SETD1B: variants seen among roughly 807,000 people sequenced by gnomAD.
SETD1B encodes the protein histone-lysine N-methyltransferase SETD1B.
In SETD1B, 7 loss-of-function variants were observed where a neutral mutation model predicts 148.0. The ratio of observed to expected loss-of-function variants is 0.05; its 90% CI spans 0.03 to 0.09. The LOEUF is 0.09. Among genes scored for constraint, SETD1B ranks in the 10% least tolerant of loss-of-function variants. The pLI is 1.00. For synonymous variants in SETD1B, 1,361 were observed against 1,186.5 expected (o/e 1.15, Z -3.02); for missense variants, 2,155 against 2,729.9 (o/e 0.79, Z 4.69).
chr12:121,823,721 TAAC>T lies in SETD1B; in HGVS notation c.5143_5145del (p.Asn1715del). 2 of 1,551,158 alleles carry T rather than the reference TAAC, an allele frequency of 1.3e-6. No individual in the cohort carries two copies. The highest frequency in any genetic ancestry group is 8.7e-7 in the Non-Finnish European group (1 of 1,146,800). ...AGCAGGACAATGGCATGGACTGGCT[TAAC>T]GACACGCTCTGGGTCTACCATCCCT... On this transcript the variant is annotated inframe_deletion, in exon 12 of 17. Transcript: ENST00000604567.
chr12:121,822,354 G>A, intron 11 of SETD1B, 136 bp from the exon 12 acceptor site: 1 of 999,050 alleles, frequency 1.0e-6, no homozygotes, highest in Non-Finnish European at 1.4e-6. Context: ...AGTCCTTGAG[G>A]GGTTTAGCTG....
chr12:121,822,932 C>A lies in SETD1B; in HGVS notation c.4353C>A (p.Pro1451=). 6.5e-7 allele frequency: 1 copy of A among 1,532,332 alleles called. No homozygotes were observed. Among genetic ancestry groups the A allele is most frequent in the East Asian group, 2.5e-5 (1 of 40,762 alleles). 94.9% of individuals were successfully genotyped at this position (1,532,332 alleles called of 1,614,324 possible). ...GPLLLPVCPL[P]TGRRDERSGP... is the part of the protein sequence containing the mutation. ...TGCTCCTGCCCGTCTGCCCACTCCC[C>A]ACTGGCCGACGCGATGAACGCTCCG... is the stretch of plus-strand genomic sequence containing the variant. Residue 1451 remains proline, a synonymous_variant, in exon 12 of 17, where the codon CCC becomes CCA. Coordinates refer to ENST00000604567, the MANE Select transcript of SETD1B (RefSeq NM_001353345.2).
chr12:121,805,703 T>C lies in SETD1B; in HGVS notation c.274-132T>C. ...TTCCAAAAAAAATTTTTTTTTTTTT[T>C]TTAATTTTTAGTTTTTTTACCCTTT... is the stretch of plus-strand genomic sequence containing the variant. On this transcript the variant is annotated intron_variant, in intron 3 of 16. Coordinates refer to ENST00000604567, the MANE Select transcript of SETD1B (RefSeq NM_001353345.2). This position sits in a 1 kb window ranked among gnomAD's most constrained non-coding sequence, Gnocchi z 4.2. The C allele has an allele frequency of 1.2e-6, 1 of 859,466 alleles. No individual in the cohort carries two copies. The highest frequency in any genetic ancestry group is 3.4e-5 in the South Asian group (1 of 29,496). The allele number at this position is 859,466 out of a possible 1,614,324, so 53.2% of individuals were successfully genotyped here.
intron 6 of SETD1B, among the ~76,000 whole-genome samples, chr12:121,812,610 G>A (rs2137557148): frequency 6.6e-6 from 1 of 152,260 alleles, no homozygotes; most frequent in South Asian, 2.1e-4. Flanking sequence ...ATTGGCTGGC[G>A]GCGGCGGCCC....
Position 121,817,233 on chromosome 12 carries a change from C to T in SETD1B, c.2916C>T (p.Thr972=), listed in dbSNP as rs1251216168. The change falls in exon 8 of 17, where the codon ACC becomes ACT. Residue 972 remains threonine (T), a synonymous_variant. Transcript: ENST00000604567. This position sits in a 1 kb window ranked among gnomAD's most constrained non-coding sequence, Gnocchi z 8.1. ...TCAAGAGGAAGGAGCCACCAGACAC[C>T]ACCTCATCTGGCGACCAGAAGCGGC... ...FKVKRKEPPD[T]TSSGDQKRLR... 1.1e-5 allele frequency: 17 copies of T among 1,550,908 alleles called. No homozygotes were observed. The Admixed American group carries it at 3.1e-4, about 29-fold the overall frequency.
rs200840157 is a variant in SETD1B, at chr12:121,830,532, C to T, written c.*293C>T. ...CAGCTTCTCTCTCTCCGTCTCTCCT[C>T]CCCTCTCTCTCTTCTCTGTCTCTTC... On this transcript the variant is annotated 3_prime_UTR_variant, in exon 17 of 17. Coordinates refer to ENST00000604567, the MANE Select transcript of SETD1B (RefSeq NM_001353345.2). The surrounding 1 kb of genome is among the most constrained non-coding windows in gnomAD (Gnocchi z 5.7). 3.3e-6 allele frequency: 1 copy of T among 301,020 alleles called. No homozygotes were observed. Among genetic ancestry groups the T allele is most frequent in the South Asian group, 7.0e-5 (1 of 14,380 alleles). The allele number at this position is 301,020 out of a possible 1,614,324, so 18.6% of individuals were successfully genotyped here.
chr12:121,810,310 G>C lies in SETD1B; in HGVS notation c.1365G>C (p.Pro455=). 1 of 1,543,124 alleles carries C rather than the reference G, an allele frequency of 6.5e-7. No homozygotes were observed. Among genetic ancestry groups the C allele is most frequent in the Non-Finnish European group, 8.7e-7 (1 of 1,146,440 alleles). ...AGCCAGGCACGCCACCCGGCCCGCC[G>C]CCCCCCGACACCAACAGCATGGAGC... ...KEKPGTPPGP[P]PPDTNSMELG... The change falls in exon 6 of 17, where the codon CCG becomes CCC. Residue 455 remains proline (P), a synonymous_variant. Coordinates refer to ENST00000604567, the MANE Select transcript of SETD1B (RefSeq NM_001353345.2). The surrounding 1 kb of genome is among the most constrained non-coding windows in gnomAD (Gnocchi z 7.6).
At position 121,817,846 on chromosome 12, in the gene SETD1B, T is replaced by C. The variant is rs1004611107; in HGVS notation, c.3360T>C (p.Asp1120=). 25 of 1,551,066 alleles carry C rather than the reference T, an allele frequency of 1.6e-5. No homozygotes were observed. In the Admixed American group the frequency reaches 3.5e-4, roughly 22 times the overall value. ...ATGACCGGGACGAGTCTGAGAACGA[T>C]GACGAGGACACAGCCCTGTCAGAGG... is the stretch of plus-strand genomic sequence containing the variant. ...DSDDRDESEN[D]DEDTALSEAS... The change falls in exon 10 of 17, where the codon GAT becomes GAC. Residue 1120 remains aspartate, a synonymous_variant. Coordinates refer to ENST00000604567, the MANE Select transcript of SETD1B (RefSeq NM_001353345.2). The surrounding 1 kb of genome is among the most constrained non-coding windows in gnomAD (Gnocchi z 8.1).
At chr12:121,793,325 C>A in the SETD1B span, 3 of 1,450,168 alleles carry the variant, frequency 2.1e-6, no homozygotes, top group South Asian at 1.2e-5. Flanking sequence ...CCCCCTCACT[C>A]GTCCCGGATC....
intron 16 of SETD1B, 141 bp downstream of exon 16, chr12:121,828,211 A>C (rs1876934641): frequency 1.8e-6 from 2 of 1,114,444 alleles, no homozygotes; most frequent in Admixed American, 2.5e-5. Context: ...TTATAGGGAG[A>C]GGAGGACATG....
rs1261001493 is a variant in SETD1B at position 121,810,553 on chromosome 12, C to T, written c.1608C>T (p.Ser536=). The change falls in exon 6 of 17, where the codon TCC becomes TCT. Residue 536 remains serine (S), a synonymous_variant. Transcript: ENST00000604567. This position sits in a 1 kb window ranked among gnomAD's most constrained non-coding sequence, Gnocchi z 7.6. ...LQMEGSPISS[S]SSQLSPLAPF... is the part of the protein sequence containing the mutation. ...TGGAGGGCAGCCCCATCTCCTCCTC[C>T]TCCTCCCAGCTCTCCCCACTGGCCC... 13 of 1,547,114 alleles carry T rather than the reference C, an allele frequency of 8.4e-6. No homozygotes were observed. Among genetic ancestry groups the T allele is most frequent in the African/African-American group, 2.7e-5 (2 of 73,068 alleles).
At chr12:121,790,610 T>G in the SETD1B span, among the ~76,000 whole-genome samples, 2 of 152,206 alleles carry the variant, frequency 1.3e-5, no homozygotes, top group Non-Finnish European at 2.9e-5. Context: ...TGAGCAAGCC[T>G]TCCCTGGTCA....
intron 6 of SETD1B, among the ~76,000 whole-genome samples, chr12:121,811,464 G>A (rs980850880): frequency 2.6e-5 from 4 of 152,108 alleles, no homozygotes; most frequent in African/African-American, 7.2e-5. Context: ...CATGTAGCCA[G>A]AAAAAGGCAA....
the SETD1B span, chr12:121,797,719 A>G: frequency 2.4e-6 from 1 of 413,900 alleles, no homozygotes; most frequent in Non-Finnish European, 4.9e-6. Flanking sequence ...AGAGCAACGA[A>G]GACTCTAAAG....
chr12:121,809,730 G>T lies in SETD1B; in HGVS notation c.785G>T (p.Arg262Leu). Residue 262 changes from arginine (R) to leucine (L), a missense_variant, in exon 6 of 17, where the codon CGC (arginine) becomes CTC (leucine). By Grantham distance (102) the Arg-to-Leu change is moderately radical. This residue lies in a region of SETD1B where 376 missense variants were observed against 385.0 expected (regional missense o/e 0.98). Transcript: ENST00000604567. ...FSQDTAYSSC[R>L]LDTPNSYGQG... is the part of the protein sequence containing the mutation. ...CAGGACACAGCTTATTCCAGCTGCC[G>T]CCTGGACACACCCAACTCCTATGGA... is the stretch of plus-strand genomic sequence containing the variant. 1 of 1,551,432 alleles carries T rather than the reference G, an allele frequency of 6.4e-7. No homozygotes were observed. Among genetic ancestry groups the T allele is most frequent in the Non-Finnish European group, 8.7e-7 (1 of 1,146,966 alleles).
chr12:121,805,352 A>G lies in SETD1B; in HGVS notation c.273+136A>G. On this transcript the variant is annotated intron_variant, in intron 3 of 16. Transcript: ENST00000604567. The surrounding 1 kb of genome is among the most constrained non-coding windows in gnomAD (Gnocchi z 4.2). Reference sequence around the variant, plus strand: ...CAGGGAAGTTTTGGCGGGGAGGGGTAGAGCGCTGGCGAGAGGGTGTCCCCT... The same window carrying G: ...CAGGGAAGTTTTGGCGGGGAGGGGTGGAGCGCTGGCGAGAGGGTGTCCCCT... 1.4e-6 allele frequency: 1 copy of G among 713,008 alleles called. No homozygotes were observed. 44.2% of individuals were successfully genotyped at this position (713,008 alleles called of 1,614,324 possible). A position where few individuals can be genotyped will look rare whatever the true frequency, so the allele number is the denominator to read the frequency against.
Position 121,822,924 on chromosome 12 carries a change from C to A in SETD1B, c.4345C>A (p.Pro1449Thr). ...PSGPLLLPVC[P>T]LPTGRRDERS... ...CGGGCCCTTGCTCCTGCCCGTCTGC[C>A]CACTCCCCACTGGCCGACGCGATGA... is the stretch of plus-strand genomic sequence containing the variant. The change falls in exon 12 of 17, where the codon CCA (proline) becomes ACA (threonine). Residue 1449 changes from proline (P) to threonine (T), a missense_variant. This residue lies in a region of SETD1B where 862 missense variants were observed against 873.8 expected (regional missense o/e 0.99). Coordinates refer to ENST00000604567, the MANE Select transcript of SETD1B (RefSeq NM_001353345.2). The A allele has an allele frequency of 6.6e-7, 1 of 1,523,830 alleles. No homozygotes were observed. The highest frequency in any genetic ancestry group is 8.8e-7 in the Non-Finnish European group (1 of 1,132,168). The allele number at this position is 1,523,830 out of a possible 1,614,324, so 94.4% of individuals were successfully genotyped here. A position where few individuals can be genotyped will look rare whatever the true frequency, so the allele number is the denominator to read the frequency against.
rs1323385621 is a variant in SETD1B, at chr12:121,816,801, G to GCCTTA, written c.2716-231_2716-230insCTTAC. On this transcript the variant is annotated intron_variant, in intron 7 of 16. Coordinates refer to ENST00000604567, the MANE Select transcript of SETD1B (RefSeq NM_001353345.2). ...TGCAAAGGCCACTGTTGTAAGGAAG[G>GCCTTA]CAGGTACAGTAGTCCTATTCTACAG... Among the ~76,000 whole-genome samples the GCCTTA allele has an allele frequency of 5.7e-4, 87 of 152,370 alleles. 1 individual carries two copies. Among genetic ancestry groups the GCCTTA allele is most frequent in the African/African-American group, 2.0e-3 (82 of 41,584 alleles).
In SETD1B at chr12:121,810,252, C is replaced by G. The variant is rs1273269716; in HGVS notation, c.1307C>G (p.Pro436Arg). ...GEFRRAPAPP[P>R]LPPAEPLAKE... is the part of the protein sequence containing the mutation. ...TTCCGGAGGGCACCGGCGCCCCCAC[C>G]CCTGCCACCTGCTGAGCCTCTGGCC... is the stretch of plus-strand genomic sequence containing the variant. The change falls in exon 6 of 17, where the codon CCC becomes CGC. Residue 436 changes from proline to arginine, a missense_variant. Transcript: ENST00000604567. The surrounding 1 kb of genome is among the most constrained non-coding windows in gnomAD (Gnocchi z 7.6). 3 of 1,546,322 alleles carry G rather than the reference C, an allele frequency of 1.9e-6. No homozygotes were observed. Among genetic ancestry groups the G allele is most frequent in the Non-Finnish European group, 2.6e-6 (3 of 1,146,804 alleles).
Sources: allele counts gnomAD v4.1 joint callset (sites outside exome capture counted in the v4.1 genomes callset), GRCh38; gene constraint gnomAD v4.1.1; regional missense constraint gnomAD v4.1.1; non-coding constraint Gnocchi (gnomAD v3.1); transcripts MANE v1.5; gene names NCBI Gene and HGNC (gene_info 2026-07-23, HGNC 2026-07-21).